Variants in PCDHGB4 observed in about 807,000 individuals in gnomAD.
PCDHGB4 encodes protocadherin gamma subfamily B, 4, also known as protocadherin gamma-B4.
A neutral mutation model predicts 60.5 loss-of-function variants in PCDHGB4; 38 were observed. The ratio of observed to expected loss-of-function variants is 0.63; its 90% CI spans 0.48 to 0.82. The LOEUF (loss-of-function observed/expected upper bound fraction) is 0.82, where lower values mean the gene tolerates loss of function less well. Ranked by LOEUF, PCDHGB4 falls within the 40% of genes least tolerant of loss-of-function variation. The pLI is 0.00. For missense variants in PCDHGB4, 1,109 were observed against 1,209.6 expected, an observed-to-expected ratio of 0.92 and a Z score of 1.23; for synonymous variants, 456 against 509.7, an observed-to-expected ratio of 0.89 and a Z score of 1.42.
chr5:141,450,110 G>C (rs2098669636), intron 1 of PCDHGB4, among the ~76,000 whole-genome samples: 1 of 147,716 alleles, frequency 6.8e-6, no homozygotes. Context: ...AGGTTCAAAT[G>C]ATTCTCCTGC....
Position 141,489,653 on chromosome 5 carries a change from G to A in PCDHGB4, c.2398-5154G>A, listed in dbSNP as rs752269910. 2.0e-5 allele frequency: 33 copies of A among 1,614,164 alleles called. No individual in the cohort carries two copies. In the East Asian group the frequency reaches 4.9e-4, roughly 24 times the overall value. ...TCTCCTAGCTTTGCCACCCCTGAGC[G>A]AGAGATGCGCATCTCAGAATCAGCA... On this transcript the variant is annotated intron_variant, in intron 1 of 3. Transcript: ENST00000519479. This position sits in a 1 kb window ranked among gnomAD's most constrained non-coding sequence, Gnocchi z 4.5.
intron 1 of PCDHGB4, among the ~76,000 whole-genome samples, chr5:141,456,083 G>A (rs2098842632): frequency 6.6e-6 from 1 of 151,960 alleles, no homozygotes; most frequent in South Asian, 2.1e-4. Context: ...ATTTTCAGTA[G>A]AGACGGGATT....
chr5:141,449,932 A>T (rs1275797555), intron 1 of PCDHGB4, among the ~76,000 whole-genome samples: 6 of 151,660 alleles, frequency 4.0e-5, no homozygotes, highest in Non-Finnish European at 5.9e-5. Flanking sequence ...CATACCTTAT[A>T]GTATATTTTA....
chr5:141,393,477 C>T (rs1561642767), intron 1 of PCDHGB4: 1 of 1,614,040 alleles, frequency 6.2e-7, no homozygotes, highest in African/African-American at 1.3e-5. Context: ...CAAGCCGCCT[C>T]GCTCTAGCAC....
rs1057374827 is a variant in PCDHGB4, at chr5:141,485,503, C to G, written c.2398-9304C>G. 3.1e-6 allele frequency: 5 copies of G among 1,613,978 alleles called. No homozygotes were observed. Among genetic ancestry groups the G allele is most frequent in the Non-Finnish European group, 4.2e-6 (5 of 1,180,016 alleles). On this transcript the variant is annotated intron_variant, in intron 1 of 3. Coordinates refer to ENST00000519479, the MANE Select transcript of PCDHGB4 (RefSeq NM_003736.4). This position sits in a 1 kb window ranked among gnomAD's most constrained non-coding sequence, Gnocchi z 5.7. ...GCATCGTGCCCCTGGAGTTTGTCACCGAAGGTCCTTTGGAAATGTACCGAG... is the reference window on the plus strand; with the variant it reads ...GCATCGTGCCCCTGGAGTTTGTCACGGAAGGTCCTTTGGAAATGTACCGAG...
In PCDHGB4 at chr5:141,432,212, G is replaced by T. The variant is rs2097468822; in HGVS notation, c.2397+41931G>T. 8 of 1,614,184 alleles carry T rather than the reference G, an allele frequency of 5.0e-6. No homozygotes were observed. In the East Asian group the frequency reaches 1.3e-4, roughly 27 times the overall value. ...CCACGACCCCGACTGTGAAGAGAAC[G>T]CCCAGATCACTTATTCCCTGGCTGA... On this transcript the variant is annotated intron_variant, in intron 1 of 3. Transcript: ENST00000519479. The surrounding 1 kb of genome is among the most constrained non-coding windows in gnomAD (Gnocchi z 6.0).
rs765690531 is a variant in PCDHGB4, at chr5:141,404,329, C to T, written c.2397+14048C>T. 6.8e-5 allele frequency: 110 copies of T among 1,613,772 alleles called. No homozygotes were observed. The East Asian group carries it at 2.4e-3, about 36-fold the overall frequency. On this transcript the variant is annotated intron_variant, in intron 1 of 3. Coordinates refer to ENST00000519479, the MANE Select transcript of PCDHGB4 (RefSeq NM_003736.4). ...CTTTCTCTCAAGCCTCCTACTCAGTCTACCTCCCGGAAAACAACGCCAGAG... is the reference window on the plus strand; with the variant it reads ...CTTTCTCTCAAGCCTCCTACTCAGTTTACCTCCCGGAAAACAACGCCAGAG...
chr5:141,394,613 G>A (rs1402834373), intron 1 of PCDHGB4: 1 of 1,613,570 alleles, frequency 6.2e-7, no homozygotes, highest in Admixed American at 1.7e-5. Context: ...ACTCGGGCCA[G>A]AACGCCTGGC....
At chr5:141,457,802 T>C (rs1332412750) in intron 1 of PCDHGB4, among the ~76,000 whole-genome samples, 1 of 152,210 alleles carries the variant, frequency 6.6e-6, no homozygotes, top group Non-Finnish European at 1.5e-5. Context: ...TCCTCTCCTC[T>C]TGAGGTCCCA....
chr5:141,414,173 C>A, intron 1 of PCDHGB4: 1 of 1,606,526 alleles, frequency 6.2e-7, no homozygotes. Context: ...GCATATCTTG[C>A]AACTGCAAAA....
At position 141,476,294 on chromosome 5, in the gene PCDHGB4, A is replaced by T. The variant is rs376905832; in HGVS notation, c.2398-18513A>T. On this transcript the variant is annotated intron_variant, in intron 1 of 3. Coordinates refer to ENST00000519479, the MANE Select transcript of PCDHGB4 (RefSeq NM_003736.4). The surrounding 1 kb of genome is among the most constrained non-coding windows in gnomAD (Gnocchi z 7.6). ...CGCGAACCTTGGTTTGGATCTCGGT[A>T]GCCTCTCAGCCCGCAGGTTCCGGGT... is the stretch of plus-strand genomic sequence containing the variant. 2 of 1,613,036 alleles carry T rather than the reference A, an allele frequency of 1.2e-6. No homozygotes were observed. The highest frequency in any genetic ancestry group is 1.7e-6 in the Non-Finnish European group (2 of 1,179,642).
chr5:141,423,798 A>G (rs551396089), intron 1 of PCDHGB4: 76 of 1,222,390 alleles, frequency 6.2e-5, no homozygotes, highest in Middle Eastern at 4.5e-4. Context: ...TATTTAGAGC[A>G]ATACATGTGA....
chr5:141,430,926 C>T, intron 1 of PCDHGB4: 1 of 1,607,426 alleles, frequency 6.2e-7, no homozygotes, highest in Non-Finnish European at 8.5e-7. Flanking sequence ...GGGCTGGAGC[C>T]CCGGGAGCTC....
At chr5:141,402,877 T>C in intron 1 of PCDHGB4, 3 of 1,469,748 alleles carry the variant, frequency 2.0e-6, no homozygotes, top group East Asian at 4.9e-5. Flanking sequence ...CACCATACTT[T>C]GCAGGGTGGA....
intron 1 of PCDHGB4, chr5:141,403,774 C>T (rs1350465491): frequency 1.9e-6 from 3 of 1,613,668 alleles, no homozygotes; most frequent in Non-Finnish European, 1.7e-6. Flanking sequence ...AGGGAATCAA[C>T]GGAAAAGTGG....
chr5:141,482,102 A>T (rs1016315214), intron 1 of PCDHGB4, among the ~76,000 whole-genome samples: 13 of 151,860 alleles, frequency 8.6e-5, no homozygotes, highest in African/African-American at 2.7e-4. Context: ...AAAAAAAAAA[A>T]AAATATCTAG....
rs2099385215 is a variant in PCDHGB4 at position 141,476,099 on chromosome 5, G to A, written c.2398-18708G>A. On this transcript the variant is annotated intron_variant, in intron 1 of 3. Coordinates refer to ENST00000519479, the MANE Select transcript of PCDHGB4 (RefSeq NM_003736.4). This position sits in a 1 kb window ranked among gnomAD's most constrained non-coding sequence, Gnocchi z 7.6. ...GGGACGATCTGGACCCCGCTGAGAGGAACTGCTTTTGAGTGAGATGGTCCC... is the reference window on the plus strand; with the variant it reads ...GGGACGATCTGGACCCCGCTGAGAGAAACTGCTTTTGAGTGAGATGGTCCC... 1 of 1,574,916 alleles carries A rather than the reference G, an allele frequency of 6.3e-7. No individual in the cohort carries two copies.
chr5:141,469,747 C>T (rs1392088794), intron 1 of PCDHGB4, among the ~76,000 whole-genome samples: 1 of 152,134 alleles, frequency 6.6e-6, no homozygotes, highest in Non-Finnish European at 1.5e-5. Context: ...TCAAAAATTA[C>T]AAAAATACAT....
chr5:141,433,304 C>T, intron 1 of PCDHGB4: 1 of 932,004 alleles, frequency 1.1e-6, no homozygotes, highest in Non-Finnish European at 1.6e-6. Context: ...AGCAATTATC[C>T]CACCTTTGCC....
Sources: allele counts gnomAD v4.1 joint callset (sites outside exome capture counted in the v4.1 genomes callset), GRCh38; gene constraint gnomAD v4.1.1; non-coding constraint Gnocchi (gnomAD v3.1); transcripts MANE v1.5; gene names NCBI Gene and HGNC (gene_info 2026-07-23, HGNC 2026-07-21).